TENM1: variants seen among roughly 807,000 people sequenced by gnomAD.
TENM1 encodes teneurin transmembrane protein 1.
TENM1 carries 35 observed loss-of-function variants against 174.8 expected under a neutral mutation model. The observed-to-expected ratio is 0.20, with a 90% CI of 0.15 to 0.27. The LOEUF (loss-of-function observed/expected upper bound fraction) is 0.27, where lower values mean the gene tolerates loss of function less well. Among genes scored for constraint, TENM1 ranks in the 10% least tolerant of loss-of-function variants. The pLI is 1.00. For synonymous variants in TENM1, 781 were observed against 798.7 expected (o/e 0.98, Z 0.37); for missense variants, 1,633 against 2,130.1 (o/e 0.77, Z 4.59).
intron 5 of TENM1, among the ~76,000 whole-genome samples, chrX:124,684,143 T>C (rs1207712391): frequency 9.0e-6 from 1 of 111,576 alleles, no homozygotes; most frequent in African/African-American, 3.3e-5. Context: ...TATTCAACCA[T>C]AGTGGTAATT....
chrX:124,544,968 T>C (rs2048398357), intron 15 of TENM1, among the ~76,000 whole-genome samples: 1 of 112,422 alleles, frequency 8.9e-6, no homozygotes, highest in South Asian at 3.6e-4. Context: ...TGTAAGAGAC[T>C]GTAGCTATTA....
intron 3 of TENM1, among the ~76,000 whole-genome samples, chrX:124,754,481 A>G (rs983983736): frequency 8.2e-5 from 9 of 110,375 alleles, no homozygotes; most frequent in African/African-American, 3.0e-4. Flanking sequence ...TTGTGTCTCT[A>G]TTTCCTTCAG....
At chrX:125,168,975 A>ATC in the TENM1 span, among the ~76,000 whole-genome samples, 1 of 108,151 alleles carries the variant, frequency 9.2e-6, no homozygotes, top group African/African-American at 3.5e-5. Context: ...GAAAACCAGT[A>ATC]TCTCCTGTGT....
intron 6 of TENM1, among the ~76,000 whole-genome samples, chrX:124,658,044 G>A (rs2051492721): frequency 9.0e-6 from 1 of 111,362 alleles, no homozygotes; most frequent in Non-Finnish European, 1.9e-5. Flanking sequence ...ACAAGTCTTC[G>A]CAAATTTAGA....
the TENM1 span, among the ~76,000 whole-genome samples, chrX:125,104,185 T>C: frequency 6.3e-5 from 7 of 111,730 alleles, no homozygotes; most frequent in African/African-American, 2.3e-4. Context: ...TTGATCAAGG[T>C]ACTTAACCAC....
At chrX:124,658,855 T>C (rs1418653721) in intron 6 of TENM1, among the ~76,000 whole-genome samples, 1 of 112,193 alleles carries the variant, frequency 8.9e-6, no homozygotes, top group African/African-American at 3.2e-5. Context: ...AGGACTTATT[T>C]TGAGTTGCAT....
the TENM1 span, among the ~76,000 whole-genome samples, chrX:125,134,786 A>G: frequency 8.9e-6 from 1 of 112,065 alleles, no homozygotes; most frequent in African/African-American, 3.2e-5. Context: ...ATGATAACTG[A>G]ATGTGCTCAA....
chrX:124,428,277 G>A (rs1245850385), intron 23 of TENM1, among the ~76,000 whole-genome samples: 4 of 111,826 alleles, frequency 3.6e-5, no homozygotes, highest in African/African-American at 1.3e-4. Context: ...CTTGAAGGGA[G>A]TTGACTCTCA....
chrX:124,849,853 G>A (rs1463500935), intron 3 of TENM1, among the ~76,000 whole-genome samples: 1 of 112,160 alleles, frequency 8.9e-6, no homozygotes, highest in Non-Finnish European at 1.9e-5. Context: ...ATAAGAGAAA[G>A]CACTCAATCA....
At chrX:124,460,917 T>C (rs2061165134) in intron 22 of TENM1, among the ~76,000 whole-genome samples, 1 of 111,607 alleles carries the variant, frequency 9.0e-6, no homozygotes, top group African/African-American at 3.3e-5. Flanking sequence ...CAAAATGTTT[T>C]GTGTATGGGT....
chrX:124,636,761 C>T (rs956836496), intron 11 of TENM1, among the ~76,000 whole-genome samples: 1 of 111,770 alleles, frequency 8.9e-6, no homozygotes, highest in Admixed American at 9.5e-5. Flanking sequence ...ATTATTTAAC[C>T]TTTCTGGTTC....
intron 8 of TENM1, among the ~76,000 whole-genome samples, chrX:124,651,644 A>C (rs1227771539): frequency 1.8e-5 from 2 of 111,709 alleles, no homozygotes; most frequent in Non-Finnish European, 3.8e-5. Flanking sequence ...TTACTAAGGT[A>C]ATTATTTCTG....
intron 25 of TENM1, among the ~76,000 whole-genome samples, chrX:124,414,077 C>A (rs1274140511): frequency 8.9e-6 from 1 of 111,970 alleles, no homozygotes; most frequent in Non-Finnish European, 1.9e-5. Flanking sequence ...CTTCTCCAAC[C>A]TGTCAGTGGG....
exon 29 of TENM1, chrX:124,385,766 G>A: frequency 8.3e-7 from 1 of 1,210,657 alleles, no homozygotes; most frequent in Non-Finnish European, 1.1e-6. Context: ...ATATGTTAAT[G>A]TGACCTGAGT....
chrX:125,052,955 T>C, the TENM1 span, among the ~76,000 whole-genome samples: 1 of 112,269 alleles, frequency 8.9e-6, no homozygotes, highest in Non-Finnish European at 1.9e-5. Flanking sequence ...GTGAATGCTT[T>C]GATGTACATA....
chrX:124,628,749 C>T (rs1404684813), intron 11 of TENM1, among the ~76,000 whole-genome samples: 1 of 112,042 alleles, frequency 8.9e-6, no homozygotes, highest in African/African-American at 3.2e-5. Context: ...CTTAGCTATG[C>T]ACATGACTTC....
the TENM1 span, among the ~76,000 whole-genome samples, chrX:125,185,315 C>T: frequency 1.8e-5 from 2 of 112,080 alleles, no homozygotes; most frequent in Middle Eastern, 9.3e-3. Context: ...TCTCTGGCTA[C>T]TGCTGTTCCT....
chrX:124,854,813 T>C (rs1278378494), intron 3 of TENM1, among the ~76,000 whole-genome samples: 1 of 111,800 alleles, frequency 8.9e-6, no homozygotes, highest in Non-Finnish European at 1.9e-5. Context: ...GTAAAGATTT[T>C]CAAAATAGAA....
intron 3 of TENM1, among the ~76,000 whole-genome samples, chrX:124,759,806 C>T (rs1433253379): frequency 9.0e-6 from 1 of 111,574 alleles, no homozygotes; most frequent in Non-Finnish European, 1.9e-5. Context: ...AATAAATAGC[C>T]GATTATCTTG....
Sources: allele counts gnomAD v4.1 joint callset (sites outside exome capture counted in the v4.1 genomes callset), GRCh38; gene constraint gnomAD v4.1.1; transcripts MANE v1.5; gene names NCBI Gene and HGNC (gene_info 2026-07-23, HGNC 2026-07-21).